ERC1: variants seen among roughly 807,000 people sequenced by gnomAD.
ERC1 encodes the protein ELKS/RAB6-interacting/CAST family member 1.
Under a neutral mutation model 132.0 loss-of-function variants are expected in ERC1, and 56 were observed. That is an observed-to-expected ratio of 0.42 (90% CI 0.34 to 0.53). The LOEUF is 0.53. ERC1 is among the 20% of genes least tolerant of loss of function. ERC1 has a pLI of 0.03. For synonymous variants in ERC1, 478 were observed against 476.1 expected (o/e 1.00, Z -0.05); for missense variants, 1,202 against 1,349.9 (o/e 0.89, Z 1.72).
intron 14 of ERC1, among the ~76,000 whole-genome samples, chr12:1,283,139 T>C (rs772027963): frequency 3.3e-5 from 5 of 152,160 alleles, no homozygotes; most frequent in African/African-American, 7.2e-5. Context: ...AGCAAAAGTT[T>C]ATTAGCTTGT....
At chr12:1,309,593 G>C (rs542650927) in intron 15 of ERC1, among the ~76,000 whole-genome samples, 1 of 151,996 alleles carries the variant, frequency 6.6e-6, no homozygotes, top group East Asian at 1.9e-4. Context: ...AAAGTATTCT[G>C]TACCTTCCCC....
intron 2 of ERC1, among the ~76,000 whole-genome samples, chr12:1,034,557 G>A (rs572817372): frequency 6.6e-6 from 1 of 152,198 alleles, no homozygotes; most frequent in Non-Finnish European, 1.5e-5. Context: ...ATACGTGTGT[G>A]TGTGTATCAA....
intron 1 of ERC1, among the ~76,000 whole-genome samples, chr12:994,695 A>G (rs1194324625): frequency 6.6e-6 from 1 of 152,190 alleles, no homozygotes; most frequent in Non-Finnish European, 1.5e-5. Flanking sequence ...ATTATGTACC[A>G]CATATTCTAG....
chr12:1,025,534 C>A (rs546749551), intron 1 of ERC1, among the ~76,000 whole-genome samples: 1 of 151,974 alleles, frequency 6.6e-6, no homozygotes, highest in African/African-American at 2.4e-5. Context: ...ATTTAAGAAG[C>A]CTTTTCCTAA....
chr12:1,076,926 A>G (rs17755993), intron 2 of ERC1, among the ~76,000 whole-genome samples: 34,567 of 152,182 alleles, frequency 0.23, 4,353 homozygotes, highest in Middle Eastern at 0.27. Context: ...TAGAAGTGCT[A>G]TTCTGTGGAT....
intron 7 of ERC1, among the ~76,000 whole-genome samples, chr12:1,136,817 G>A (rs1949289982): frequency 6.6e-6 from 1 of 151,590 alleles, no homozygotes; most frequent in South Asian, 2.1e-4. Flanking sequence ...AGATATCCAT[G>A]CATTTCTCTC....
chr12:1,452,304 G>GTGGGT (rs1323152703), intron 18 of ERC1, among the ~76,000 whole-genome samples: 1 of 152,124 alleles, frequency 6.6e-6, no homozygotes, highest in African/African-American at 2.4e-5. Flanking sequence ...TTTGGGGTGA[G>GTGGGT]TGGGTTGGTT....
chr12:1,198,503 G>A (rs1956554733), intron 12 of ERC1, among the ~76,000 whole-genome samples: 1 of 152,204 alleles, frequency 6.6e-6, no homozygotes, highest in African/African-American at 2.4e-5. Context: ...AGCCTTGTGA[G>A]TAGTTATGAT....
At chr12:1,411,100 T>G (rs1244147986) in intron 17 of ERC1, among the ~76,000 whole-genome samples, 1 of 152,118 alleles carries the variant, frequency 6.6e-6, no homozygotes, top group African/African-American at 2.4e-5. Flanking sequence ...TTCTTTTCCC[T>G]CCCTTTTCAT....
At chr12:1,099,454 A>G (rs1052603014) in intron 3 of ERC1, among the ~76,000 whole-genome samples, 1 of 152,144 alleles carries the variant, frequency 6.6e-6, no homozygotes, top group Non-Finnish European at 1.5e-5. Flanking sequence ...ACTCCTGTTC[A>G]TCCTTCAGCT....
At chr12:1,235,885 C>G (rs996979150) in intron 12 of ERC1, among the ~76,000 whole-genome samples, 8 of 152,056 alleles carry the variant, frequency 5.3e-5, no homozygotes, top group Non-Finnish European at 1.5e-5. Context: ...TTTAAAATGG[C>G]AAGAAGATGG....
chr12:1,055,416 A>G (rs1389695543), intron 2 of ERC1, among the ~76,000 whole-genome samples: 5 of 151,978 alleles, frequency 3.3e-5, no homozygotes, highest in East Asian at 1.9e-4. Context: ...CTGACCTCAA[A>G]TGATCTGCCC....
chr12:1,414,126 C>A (rs182521580), intron 17 of ERC1, among the ~76,000 whole-genome samples: 1 of 152,228 alleles, frequency 6.6e-6, no homozygotes, highest in Admixed American at 6.5e-5. Context: ...CTCGCTTGCC[C>A]GCCACTCCTC....
intron 2 of ERC1, among the ~76,000 whole-genome samples, chr12:1,058,751 T>C (rs916707191): frequency 1.3e-5 from 2 of 151,782 alleles, no homozygotes; most frequent in Non-Finnish European, 2.9e-5. Context: ...TATTTTGATA[T>C]GGATTGCATT....
rs754454663 is a variant in ERC1, at chr12:1,490,273, A to G, written c.*43A>G. 5 of 1,593,174 alleles carry G rather than the reference A, an allele frequency of 3.1e-6. No homozygotes were observed. The highest frequency in any genetic ancestry group is 4.3e-6 in the Non-Finnish European group (5 of 1,167,026). On this transcript the variant is annotated 3_prime_UTR_variant, in exon 19 of 19. Coordinates refer to ENST00000360905, the MANE Select transcript of ERC1 (RefSeq NM_178040.4). ...GCCTGAGGTAGTCAACCCAGGAGCC[A>G]AGAAAAGAGAACTACGAGGAACAGG...
intron 4 of ERC1, among the ~76,000 whole-genome samples, chr12:1,106,377 A>G (rs1945268912): frequency 6.6e-6 from 1 of 152,334 alleles, no homozygotes; most frequent in South Asian, 2.1e-4. Flanking sequence ...AGAAAGCTCA[A>G]TACTGTGTTT....
chr12:1,410,967 A>G (rs2091812353), intron 17 of ERC1, among the ~76,000 whole-genome samples: 2 of 152,154 alleles, frequency 1.3e-5, no homozygotes, highest in African/African-American at 4.8e-5. Flanking sequence ...CTGTAGAAGA[A>G]TGAGCTCTCA....
At chr12:1,230,147 C>T (rs1229011006) in intron 12 of ERC1, among the ~76,000 whole-genome samples, 1 of 151,980 alleles carries the variant, frequency 6.6e-6, no homozygotes, top group Non-Finnish European at 1.5e-5. Flanking sequence ...GCTGGGATTA[C>T]AGGCATGTGC....
chr12:1,051,227 T>C (rs1318443250), intron 2 of ERC1, among the ~76,000 whole-genome samples: 2 of 152,148 alleles, frequency 1.3e-5, no homozygotes, highest in Admixed American at 1.3e-4. Context: ...CCCGATTTAA[T>C]TGGTGTGGGC....
Sources: gnomAD v4.1 joint callset for allele counts (sites outside exome capture counted in the v4.1 genomes callset) on GRCh38, gnomAD v4.1.1 for gene constraint, MANE v1.5 for transcripts, NCBI Gene and HGNC (gene_info 2026-07-23, HGNC 2026-07-21) for gene names.